Variants in DGUOK observed in about 807,000 individuals in gnomAD.
DGUOK encodes the protein deoxyguanosine kinase.
Under a neutral mutation model 36.6 loss-of-function variants are expected in DGUOK, and 30 were observed. The observed-to-expected ratio is 0.82, with a 90% CI of 0.61 to 1.11. The LOEUF (loss-of-function observed/expected upper bound fraction) is 1.11, where lower values mean the gene tolerates loss of function less well. DGUOK is among the 50% of genes most tolerant of loss of function. The pLI, the probability that DGUOK is intolerant of heterozygous loss-of-function variation, is 0.00. For synonymous variants in DGUOK, 145 were observed against 126.3 expected (o/e 1.15, Z -0.99); for missense variants, 361 against 336.4 (o/e 1.07, Z -0.57).
intron 2 of DGUOK, among the ~76,000 whole-genome samples, chr2:73,946,514 G>A (rs1228680613): frequency 3.3e-5 from 5 of 152,160 alleles, no homozygotes; most frequent in Non-Finnish European, 1.5e-5. Context: ...TATTTAATAG[G>A]TAGGAAAATC....
intron 2 of DGUOK, among the ~76,000 whole-genome samples, chr2:73,943,946 C>G (rs922985629): frequency 1.3e-5 from 2 of 152,126 alleles, no homozygotes; most frequent in Non-Finnish European, 2.9e-5. Flanking sequence ...CATGTCCAGC[C>G]CCTAGGGAGA....
chr2:73,957,326 CT>C, intron 5 of DGUOK, 86 bp downstream of exon 5: 1 of 967,948 alleles, frequency 1.0e-6, no homozygotes, highest in Non-Finnish European at 1.6e-6. Flanking sequence ...ATGCAGCCCC[CT>C]GTAGGAAGGT....
chr2:73,957,623 G>A (rs111772378), intron 5 of DGUOK, among the ~76,000 whole-genome samples: 11 of 152,308 alleles, frequency 7.2e-5, no homozygotes, highest in Admixed American at 2.0e-4. Flanking sequence ...GCGGTGAGCC[G>A]AGATCGCACC....
intron 2 of DGUOK, among the ~76,000 whole-genome samples, chr2:73,944,286 C>G (rs1012023446): frequency 3.3e-5 from 5 of 152,178 alleles, no homozygotes; most frequent in African/African-American, 1.2e-4. Flanking sequence ...TCCCAAAGTG[C>G]TTGGGTTATA....
At chr2:73,947,896 GACAA>G (rs1455447312) in intron 3 of DGUOK, 1 of 152,028 alleles carries the variant, frequency 6.6e-6, no homozygotes, top group Non-Finnish European at 1.5e-5. Context: ...TTCCAAATTA[GACAA>G]ACTAGTTCTA....
chr2:73,927,093 A>C, intron 1 of DGUOK, 41 bp downstream of exon 1: 1 of 1,602,524 alleles, frequency 6.2e-7, no homozygotes, highest in Non-Finnish European at 8.5e-7. Flanking sequence ...GGCCTCCGCC[A>C]CGCAGGCGAC....
chr2:73,942,136 CTGACCTCAGGTAATCCACCTGAA>C (rs1165347168), intron 2 of DGUOK, among the ~76,000 whole-genome samples: 1 of 152,080 alleles, frequency 6.6e-6, no homozygotes, highest in Non-Finnish European at 1.5e-5. Context: ...TCTGGAACTC[CTGACCTCAGGTAATCCACCTGAA>C]TTGGCCTCCC....
chr2:73,941,305 C>G (rs545284972), intron 2 of DGUOK, among the ~76,000 whole-genome samples: 7 of 152,258 alleles, frequency 4.6e-5, no homozygotes, highest in African/African-American at 1.4e-4. Context: ...GCCCAGCCAC[C>G]CAGCTAAGCT....
At chr2:73,947,381 A>C (rs548885374) in intron 3 of DGUOK, among the ~76,000 whole-genome samples, 45 of 152,286 alleles carry the variant, frequency 3.0e-4, no homozygotes, top group African/African-American at 1.1e-3. Context: ...ATTGTTCAAG[A>C]AAGGATGCTT....
rs542996713 is a variant in DGUOK at position 73,939,650 on chromosome 2, A to T, written c.255+628A>T. ...TTGTTTCGACATGACCCTTAGAGGG[A>T]GCAGAAGCACCATGCCTCCTCAGGC... is the stretch of plus-strand genomic sequence containing the variant. On this transcript the variant is annotated intron_variant, in intron 2 of 6. Transcript: ENST00000264093. 2.0e-5 allele frequency among the ~76,000 whole-genome samples: 3 copies of T among 152,306 alleles called. No homozygotes were observed. The East Asian group carries it at 5.8e-4, about 29-fold the overall frequency.
intron 1 of DGUOK, among the ~76,000 whole-genome samples, chr2:73,927,448 A>AT (rs1169468906): frequency 6.6e-6 from 1 of 152,224 alleles, no homozygotes; most frequent in Admixed American, 6.5e-5. Context: ...ATAACGAATA[A>AT]TTTTTAGTGT....
chr2:73,947,645 T>A (rs563389682), intron 3 of DGUOK: 1 of 154,216 alleles, frequency 6.5e-6, no homozygotes, highest in Non-Finnish European at 1.4e-5. Context: ...CCGGAATGCC[T>A]GGCTCTGCTG....
chr2:73,930,783 TTTTTTTTTTTC>T lies in DGUOK; in HGVS notation c.142+3742_142+3752del, dbSNP rs1338942734. On this transcript the variant is annotated intron_variant, in intron 1 of 6. Coordinates refer to ENST00000264093, the MANE Select transcript of DGUOK (RefSeq NM_080916.3). ...AGAAAACAGATTCGACATAATTTTCTTTTTTTTTTTCTTTTTTTTTTTTTTTTTTTGAGACA... is the reference window on the plus strand; with the variant it reads ...AGAAAACAGATTCGACATAATTTTCTTTTTTTTTTTTTTTTTTTTGAGACA... 3.1e-4 allele frequency among the ~76,000 whole-genome samples: 25 copies of T among 80,850 alleles called. 1 individual carries two copies. The highest frequency in any genetic ancestry group is 7.7e-4 in the African/African-American group (19 of 24,602). The allele number at this position is 80,850 out of a possible 152,430, so 53.0% of individuals were successfully genotyped here. A position where few individuals can be genotyped will look rare whatever the true frequency, so the allele number is the denominator to read the frequency against.
chr2:73,952,389 G>C (rs1166638021), intron 4 of DGUOK, among the ~76,000 whole-genome samples: 1 of 152,176 alleles, frequency 6.6e-6, no homozygotes, highest in African/African-American at 2.4e-5. Context: ...GTGGGGAGAG[G>C]AGTCCCCTCT....
intron 4 of DGUOK, among the ~76,000 whole-genome samples, chr2:73,953,719 CTTTTTTTTTTTT>C (rs386390474): frequency 3.1e-5 from 3 of 95,786 alleles, no homozygotes; most frequent in African/African-American, 7.7e-5. Context: ...TCCCTAACTT[CTTTTTTTTTTTT>C]TTTTTTTTTT....
intron 1 of DGUOK, among the ~76,000 whole-genome samples, chr2:73,927,384 G>GAACAAATTCTGCTAAA (rs1680683948): frequency 6.6e-6 from 1 of 152,172 alleles, no homozygotes; most frequent in Non-Finnish European, 1.5e-5. Flanking sequence ...CCTAGATAGG[G>GAACAAATTCTGCTAAA]TTGCCATATT....
At position 73,941,914 on chromosome 2, in the gene DGUOK, T is replaced by C. The variant is rs831546; in HGVS notation, c.255+2892T>C. Among the ~76,000 whole-genome samples the C allele has an allele frequency of 3.2e-3, 206 of 63,744 alleles. 1 individual carries two copies. Among genetic ancestry groups the C allele is most frequent in the Non-Finnish European group, 4.2e-3 (103 of 24,552 alleles). The allele number at this position is 63,744 out of a possible 152,430, so 41.8% of individuals were successfully genotyped here. The stretch of plus-strand genomic sequence containing the variant: ...ATATATTTGTTTGTCATTTTCTTTT[T>C]TTTTTTTTTTTTGAAACGGGGTCTC... On this transcript the variant is annotated intron_variant, in intron 2 of 6. Coordinates refer to ENST00000264093, the MANE Select transcript of DGUOK (RefSeq NM_080916.3).
At chr2:73,955,664 A>G (rs1253586526) in intron 4 of DGUOK, among the ~76,000 whole-genome samples, 1 of 152,054 alleles carries the variant, frequency 6.6e-6, no homozygotes, top group Non-Finnish European at 1.5e-5. Flanking sequence ...CACGATGCCA[A>G]GAGATCGAGA....
At chr2:73,932,358 T>G in intron 1 of DGUOK, among the ~76,000 whole-genome samples, 1 of 152,318 alleles carries the variant, frequency 6.6e-6, no homozygotes, top group African/African-American at 2.4e-5. Context: ...GCTGCAGCAC[T>G]TGAGTTCTGC....
Sources: allele counts gnomAD v4.1 joint callset (sites outside exome capture counted in the v4.1 genomes callset), GRCh38; gene constraint gnomAD v4.1.1; transcripts MANE v1.5; gene names NCBI Gene and HGNC (gene_info 2026-07-23, HGNC 2026-07-21).